GGA3: variants seen among roughly 807,000 people sequenced by gnomAD.
GGA3 encodes golgi associated, gamma adaptin ear containing, ARF binding protein 3.
GGA3 carries 57 observed loss-of-function variants against 77.5 expected under a neutral mutation model. That is an observed-to-expected ratio of 0.74 (90% CI 0.59 to 0.92). The LOEUF is 0.92. GGA3 is among the 40% of genes least tolerant of loss of function. The pLI is 0.00. For missense variants in GGA3, 970 were observed against 914.9 expected (o/e 1.06, Z -0.78); for synonymous variants, 416 against 383.7 (o/e 1.08, Z -0.98).
rs370550321 is a variant in GGA3, at chr17:75,243,036, A to G, written c.528+27T>C. On this transcript the variant is annotated intron_variant, in intron 6 of 16. Coordinates refer to ENST00000537686, the MANE Select transcript of GGA3 (RefSeq NM_138619.4). ...TGCTGCCACCCACTCTCGTATGAGA[A>G]AATCCCAGGCCCAGGGTGTCCTTTA... is the stretch of plus-strand genomic sequence containing the variant. 35 of 1,573,062 alleles carry G rather than the reference A, an allele frequency of 2.2e-5. No individual in the cohort carries two copies. The East Asian group carries it at 2.2e-4, about 10-fold the overall frequency.
At chr17:75,244,912 A>C (rs183130016) in intron 3 of GGA3, among the ~76,000 whole-genome samples, 195 bp from the exon 4 acceptor site, 19 of 152,150 alleles carry the variant, frequency 1.2e-4, no homozygotes, top group Non-Finnish European at 2.5e-4. Context: ...TGTCCCTCCA[A>C]CTGCAAACCT....
chr17:75,255,050 G>A (rs1028391720), intron 1 of GGA3, among the ~76,000 whole-genome samples: 34 of 152,166 alleles, frequency 2.2e-4, no homozygotes, highest in Middle Eastern at 3.2e-3. Context: ...GAAGACTGAC[G>A]CTGCCCGATC....
chr17:75,261,502 C>A (rs370855351), intron 1 of GGA3, 46 bp downstream of exon 1: 2 of 1,455,848 alleles, frequency 1.4e-6, no homozygotes, highest in African/African-American at 2.9e-5. Context: ...AAGACAGGGG[C>A]AGCCCAGCGG....
intron 11 of GGA3, 22 bp downstream of exon 11, chr17:75,240,789 CT>C (rs1476496015): frequency 1.9e-6 from 3 of 1,592,206 alleles, no homozygotes; most frequent in Middle Eastern, 2.3e-4. Context: ...GGGGATGCCC[CT>C]GACGCCCCCT....
Position 75,243,092 on chromosome 17 carries a change from G to A in GGA3, c.499C>T (p.Pro167Ser), listed in dbSNP as rs1448359663. The change falls in exon 6 of 17, where the codon CCT becomes TCT. Residue 167 changes from proline (P) to serine (S), a missense_variant. Transcript: ENST00000537686. Reference sequence around the variant, plus strand: ...GACTTCTCCTCATCATCAAAAACAGGGTTTTTGGGACGAGGTGGTGGAGAG... The same window carrying A: ...GACTTCTCCTCATCATCAAAAACAGAGTTTTTGGGACGAGGTGGTGGAGAG... ...IPSPPPRPKN[P>S]VFDDEEKSKL... is the part of the protein sequence containing the mutation. The A allele has an allele frequency of 1.2e-6, 2 of 1,613,454 alleles. No individual in the cohort carries two copies. Among genetic ancestry groups the A allele is most frequent in the South Asian group, 1.1e-5 (1 of 91,010 alleles).
intron 4 of GGA3, 142 bp downstream of exon 4, chr17:75,244,477 C>T (rs2076685966): frequency 4.4e-6 from 3 of 685,008 alleles, no homozygotes; most frequent in Non-Finnish European, 7.8e-6. Flanking sequence ...CCGTTACCTC[C>T]AGGGCCTAGC....
In GGA3 at chr17:75,239,590, G is replaced by A. The variant is rs1327592519; in HGVS notation, c.1584-19C>T. 2.6e-6 allele frequency: 4 copies of A among 1,545,640 alleles called. No individual in the cohort carries two copies. In the South Asian group the frequency reaches 4.7e-5, roughly 18 times the overall value. On this transcript the variant is annotated intron_variant, in intron 13 of 16. Transcript: ENST00000537686. ...CGAGGTCCTGGGAGGTGGGAAGGAT[G>A]GAAAGCACGTCAGAGAGCCAGCCAG...
intron 1 of GGA3, among the ~76,000 whole-genome samples, chr17:75,252,627 G>A (rs758951426): frequency 6.6e-6 from 1 of 151,982 alleles, no homozygotes; most frequent in African/African-American, 2.4e-5. Context: ...CTATTGTCAG[G>A]CCTCTGAGCC....
chr17:75,240,353 G>A lies in GGA3; in HGVS notation c.1252C>T (p.His418Tyr). The stretch of plus-strand genomic sequence containing the variant: ...TCCTGTGCCCCTACCTGGAGCAGGT[G>A]CCACTGGCTGTTCCCAGCTGACTCT... ...PKESAGNSQW[H>Y]LLQREQSDLD... Residue 418 changes from histidine (H) to tyrosine (Y), a missense_variant, in exon 12 of 17, where the codon CAC becomes TAC. Coordinates refer to ENST00000537686, the MANE Select transcript of GGA3 (RefSeq NM_138619.4). 1.3e-6 allele frequency: 2 copies of A among 1,594,456 alleles called. No homozygotes were observed. The highest frequency in any genetic ancestry group is 1.7e-6 in the Non-Finnish European group (2 of 1,170,034).
chr17:75,262,006 C>A (rs62085969), upstream of GGA3: 8 of 461,318 alleles, frequency 1.7e-5, no homozygotes, highest in East Asian at 2.1e-4. Context: ...CGAGCAGCGG[C>A]GGGGGGGCGC....
chr17:75,243,649 G>T, intron 4 of GGA3, 79 bp from the exon 5 acceptor site: 7 of 1,428,480 alleles, frequency 4.9e-6, no homozygotes, highest in Non-Finnish European at 4.8e-6. Context: ...CCACAGCAAT[G>T]GCGTGGCTGC....
At chr17:75,253,375 T>C (rs1403643035) in intron 1 of GGA3, among the ~76,000 whole-genome samples, 1 of 152,240 alleles carries the variant, frequency 6.6e-6, no homozygotes, top group Admixed American at 6.5e-5. Context: ...GGTCACAGAC[T>C]GGGAAGGCAG....
In GGA3 at chr17:75,239,581, G is replaced by A. The variant is rs573246335; in HGVS notation, c.1584-10C>T. On this transcript the variant is annotated splice_polypyrimidine_tract_variant and intron_variant, in intron 13 of 16. Transcript: ENST00000537686. The stretch of plus-strand genomic sequence containing the variant: ...CACCAAGCCCGAGGTCCTGGGAGGT[G>A]GGAAGGATGGAAAGCACGTCAGAGA... The A allele has an allele frequency of 1.3e-6, 2 of 1,551,026 alleles. No homozygotes were observed. The highest frequency in any genetic ancestry group is 8.7e-7 in the Non-Finnish European group (1 of 1,145,526).
At chr17:75,247,292 C>T (rs1237076476) in intron 1 of GGA3, among the ~76,000 whole-genome samples, 1 of 149,482 alleles carries the variant, frequency 6.7e-6, no homozygotes, top group Non-Finnish European at 1.5e-5. Context: ...CATGGAGTCT[C>T]GCTCTTGTTG....
rs571431195 is a variant in GGA3 at position 75,237,627 on chromosome 17, A to T, written c.*652T>A. On this transcript the variant is annotated 3_prime_UTR_variant, in exon 17 of 17. Transcript: ENST00000537686. Reference sequence around the variant, plus strand: ...AATTCCATGTCCTGCCAAGATGTCCATAGGACACAGCCTGCCACTGCCAGG... The same window carrying T: ...AATTCCATGTCCTGCCAAGATGTCCTTAGGACACAGCCTGCCACTGCCAGG... 2.0e-6 allele frequency: 3 copies of T among 1,520,938 alleles called. No individual in the cohort carries two copies. The highest frequency in any genetic ancestry group is 4.0e-5 in the Admixed American group (2 of 50,350). 94.2% of individuals were successfully genotyped at this position (1,520,938 alleles called of 1,614,324 possible).
At position 75,242,294 on chromosome 17, in the gene GGA3, A is replaced by C. The variant is rs370252912; in HGVS notation, c.747+42T>G. ...AATGCTGGCTGAGCTCCTGAAGGGC[A>C]GCGCAGCCCCGGGAGGCAGCCTTTG... On this transcript the variant is annotated intron_variant, in intron 8 of 16. Transcript: ENST00000537686. The C allele has an allele frequency of 7.8e-5, 126 of 1,610,814 alleles. 1 individual carries two copies. The highest frequency in any genetic ancestry group is 1.0e-4 in the Non-Finnish European group (122 of 1,177,472).
Position 75,242,882 on chromosome 17 carries a change from GT to G in GGA3, c.557del (p.Asn186ThrfsTer16). The G allele has an allele frequency of 6.2e-7, 1 of 1,614,070 alleles. No homozygotes were observed. Among genetic ancestry groups the G allele is most frequent in the East Asian group, 2.2e-5 (1 of 44,870 alleles). On this transcript the variant is annotated frameshift_variant, in exon 7 of 17. Coordinates refer to ENST00000537686, the MANE Select transcript of GGA3 (RefSeq NM_138619.4). LOFTEE classifies it high-confidence loss of function. ...KLLAKLLKSKNPDDLQEANKL... is the reference protein window; with the variant it reads ...KLLAKLLKSKXPDDLQEANKL... ...TGTTGGCCTCCTGCAGGTCATCTGGGTTTTTGCTTTTCAGCAGCTTGGCTAA... is the reference window on the plus strand; with the variant it reads ...TGTTGGCCTCCTGCAGGTCATCTGGGTTTTGCTTTTCAGCAGCTTGGCTAA...
At chr17:75,240,737 G>T in intron 11 of GGA3, 75 bp downstream of exon 11, 1 of 1,487,674 alleles carries the variant, frequency 6.7e-7, no homozygotes, top group Non-Finnish European at 9.0e-7. Context: ...GCCCCGCTCA[G>T]GGCTCCTAAT....
intron 1 of GGA3, among the ~76,000 whole-genome samples, chr17:75,258,741 C>T (rs1294388401): frequency 1.3e-5 from 2 of 151,968 alleles, no homozygotes; most frequent in Non-Finnish European, 2.9e-5. Flanking sequence ...GTCTTAACTT[C>T]CCAGCCTTAT....
Sources: allele counts gnomAD v4.1 joint callset (sites outside exome capture counted in the v4.1 genomes callset), GRCh38; gene constraint gnomAD v4.1.1; transcripts MANE v1.5; gene names NCBI Gene and HGNC (gene_info 2026-07-23, HGNC 2026-07-21).